Variants in SOD1 observed in about 807,000 individuals in gnomAD.
The protein encoded by SOD1 is superoxide dismutase 1, also known as superoxide dismutase [Cu-Zn].
A neutral mutation model predicts 15.9 loss-of-function variants in SOD1; 8 were observed. The ratio of observed to expected loss-of-function variants is 0.50; its 90% confidence interval spans 0.30 to 0.91. The LOEUF is 0.91. SOD1 is among the 40% of genes least tolerant of loss of function. SOD1 has a pLI of 0.07. For missense variants in SOD1, 137 were observed against 194.5 expected (o/e 0.70, Z 1.76); for synonymous variants, 86 against 71.2 (o/e 1.21, Z -1.04).
intron 1 of SOD1, 51 bp downstream of exon 1, chr21:31,659,892 C>T (rs371102436): frequency 2.5e-6 from 4 of 1,570,506 alleles, no homozygotes; most frequent in South Asian, 1.1e-5. Context: ...ACCCGCTCGT[C>T]CCCCCGCGCA....
At chr21:31,662,900 A>G (rs961466522) in intron 1 of SOD1, among the ~76,000 whole-genome samples, 17 of 152,224 alleles carry the variant, frequency 1.1e-4, no homozygotes, top group African/African-American at 3.4e-4. Flanking sequence ...CTGTAGTCCC[A>G]GCTACTCAGG....
At position 31,668,618 on chromosome 21, in the gene SOD1, T is replaced by C; in HGVS notation, c.*40T>C. ...GTAGTCTGAGGCCCCTTAACTCATC[T>C]GTTATCCTGCTAGCTGTAGAAATGT... On this transcript the variant is annotated 3_prime_UTR_variant, in exon 5 of 5. Transcript: ENST00000270142. 7.5e-7 allele frequency: 1 copy of C among 1,338,910 alleles called. No individual in the cohort carries two copies. The highest frequency in any genetic ancestry group is 1.1e-6 in the Non-Finnish European group (1 of 928,470). The allele number at this position is 1,338,910 out of a possible 1,614,324, so 82.9% of individuals were successfully genotyped here.
chr21:31,659,865 T>C, intron 1 of SOD1, 24 bp downstream of exon 1: 1 of 1,608,870 alleles, frequency 6.2e-7, no homozygotes, highest in Non-Finnish European at 8.5e-7. Context: ...CGGAGGCTTG[T>C]TTGCGAGGCC....
rs1041740 is a variant in SOD1, at chr21:31,667,849, C to T, written c.357+474C>T. On this transcript the variant is annotated intron_variant, in intron 4 of 4. Coordinates refer to ENST00000270142, the MANE Select transcript of SOD1 (RefSeq NM_000454.5). ...GGAACTGCATCTGGTTCTTGCAAAA[C>T]ACCAAGTAGACAGGCTCTCTTTTAC... is the stretch of plus-strand genomic sequence containing the variant. 0.25 allele frequency among the ~76,000 whole-genome samples: 37,858 copies of T among 152,118 alleles called. 5,471 individuals are homozygous for T. Among genetic ancestry groups the T allele is most frequent in the Middle Eastern group, 0.37 (108 of 294 alleles).
chr21:31,662,478 G>T lies in SOD1; in HGVS notation c.73-1312G>T, dbSNP rs577972406. 3.9e-3 allele frequency among the ~76,000 whole-genome samples: 598 copies of T among 152,240 alleles called. 6 individuals are homozygous for T. Among genetic ancestry groups the T allele is most frequent in the African/African-American group, 0.014 (561 of 41,534 alleles). ...TATGACGGTGTGGTGTGGATGTTGT[G>T]TTTATTTTAGTCCTGAGATCTAGTT... On this transcript the variant is annotated intron_variant, in intron 1 of 4. Transcript: ENST00000270142.
chr21:31,665,282 T>A (rs964735271), intron 2 of SOD1, among the ~76,000 whole-genome samples: 2 of 152,258 alleles, frequency 1.3e-5, no homozygotes, highest in African/African-American at 2.4e-5. Context: ...AACAGAAGTT[T>A]ATGAGTTAAG....
At chr21:31,666,709 A>G (rs2049596393) in intron 3 of SOD1, 191 bp downstream of exon 3, 2 of 635,648 alleles carry the variant, frequency 3.1e-6, no homozygotes, top group East Asian at 5.6e-5. Flanking sequence ...GAATTGACAA[A>G]TGGGGACACT....
chr21:31,663,384 A>G (rs1177652336), intron 1 of SOD1, among the ~76,000 whole-genome samples: 2 of 152,252 alleles, frequency 1.3e-5, no homozygotes, highest in African/African-American at 4.8e-5. Flanking sequence ...CAACATGTAC[A>G]AATATAACCT....
Position 31,668,731 on chromosome 21 carries a change from T to G in SOD1, c.*153T>G, listed in dbSNP as rs188029963. On this transcript the variant is annotated 3_prime_UTR_variant, in exon 5 of 5. Coordinates refer to ENST00000270142, the MANE Select transcript of SOD1 (RefSeq NM_000454.5). ...CTTTAAAGTACCTGTAGTGAGAAAC[T>G]GATTTATGATCACTTGGAAGATTTG... 1,625 of 658,022 alleles carry G rather than the reference T, an allele frequency of 2.5e-3. 5 individuals are homozygous for G. Among genetic ancestry groups the G allele is most frequent in the Non-Finnish European group, 3.4e-3 (1,227 of 364,110 alleles). 40.8% of individuals were successfully genotyped at this position (658,022 alleles called of 1,614,324 possible).
intron 4 of SOD1, among the ~76,000 whole-genome samples, 198 bp from the exon 5 acceptor site, chr21:31,668,273 G>C (rs1032385587): frequency 6.6e-6 from 1 of 152,076 alleles, no homozygotes; most frequent in Non-Finnish European, 1.5e-5. Context: ...ATGTTTAAAG[G>C]TAATGTCTTT....
chr21:31,666,162 CAG>C lies in SOD1; in HGVS notation c.170-286_170-285del, dbSNP rs17884464. ...AATTTTTGTATTTTTTCAGTAGAGACAGGGTTTTGCTATGCTGGCCAGGCTGG... is the reference window on the plus strand; with the variant it reads ...AATTTTTGTATTTTTTCAGTAGAGACGGTTTTGCTATGCTGGCCAGGCTGG... On this transcript the variant is annotated intron_variant, in intron 2 of 4. Coordinates refer to ENST00000270142, the MANE Select transcript of SOD1 (RefSeq NM_000454.5). 0.033 allele frequency among the ~76,000 whole-genome samples: 5,084 copies of C among 151,996 alleles called. 126 individuals are homozygous for C. Among genetic ancestry groups the C allele is most frequent in the Non-Finnish European group, 0.047 (3,225 of 67,962 alleles).
intron 1 of SOD1, among the ~76,000 whole-genome samples, chr21:31,662,176 T>G (rs1049055529): frequency 6.6e-6 from 1 of 152,338 alleles, no homozygotes; most frequent in Middle Eastern, 3.4e-3. Flanking sequence ...AAATGGAGGT[T>G]TCAAAGAACC....
At chr21:31,664,879 G>A (rs989274071) in intron 2 of SOD1, among the ~76,000 whole-genome samples, 22 of 152,154 alleles carry the variant, frequency 1.4e-4, no homozygotes, top group Non-Finnish European at 4.4e-5. Flanking sequence ...GCCTCCCAAA[G>A]TGCTGGGATT....
intron 2 of SOD1, chr21:31,664,391 C>A: frequency 4.5e-6 from 1 of 220,100 alleles, no homozygotes; most frequent in Non-Finnish European, 9.7e-6. Context: ...AGAGTACACA[C>A]AAGAAAAGTA....
intron 2 of SOD1, among the ~76,000 whole-genome samples, chr21:31,665,169 AT>A (rs1016414897): frequency 9.2e-5 from 14 of 151,638 alleles, no homozygotes; most frequent in Non-Finnish European, 1.6e-4. Context: ...CTTAAAAAAA[AT>A]TTTTTTAAAG....
intron 1 of SOD1, among the ~76,000 whole-genome samples, chr21:31,661,021 T>C (rs903957611): frequency 6.6e-6 from 1 of 152,206 alleles, no homozygotes; most frequent in Non-Finnish European, 1.5e-5. Flanking sequence ...ACAAAACGTG[T>C]TGCAAGGAAG....
chr21:31,661,720 C>T (rs1471787446), intron 1 of SOD1: 1 of 152,326 alleles, frequency 6.6e-6, no homozygotes, highest in Non-Finnish European at 1.5e-5. Context: ...ATTGAGAATC[C>T]ATGCATGAAC....
In SOD1 at chr21:31,663,970, C is replaced by T. The variant is rs536586198; in HGVS notation, c.169+84C>T. On this transcript the variant is annotated intron_variant, in intron 2 of 4. Transcript: ENST00000270142. ...GAGTAGCCCCTAAACGTTAAAACCC[C>T]TCAACTTGTTTTTGTTTTTGAGAAA... 8.5e-5 allele frequency: 90 copies of T among 1,054,972 alleles called. 1 individual carries two copies. The highest frequency in any genetic ancestry group is 7.9e-4 in the East Asian group (32 of 40,738). 65.4% of individuals were successfully genotyped at this position (1,054,972 alleles called of 1,614,324 possible).
chr21:31,662,161 C>T (rs371434239), intron 1 of SOD1, among the ~76,000 whole-genome samples: 3 of 152,108 alleles, frequency 2.0e-5, no homozygotes, highest in Admixed American at 6.5e-5. Flanking sequence ...AATGTATTAC[C>T]GGTTAAATGG....
Sources: allele counts gnomAD v4.1 joint callset (sites outside exome capture counted in the v4.1 genomes callset), GRCh38; gene constraint gnomAD v4.1.1; transcripts MANE v1.5; gene names NCBI Gene and HGNC (gene_info 2026-07-23, HGNC 2026-07-21).